Variants in EFCAB8 observed in about 807,000 individuals in gnomAD.
The protein encoded by EFCAB8 is EF-hand calcium binding domain 8, also known as EF-hand calcium-binding domain-containing protein 8.
Under a neutral mutation model 116.3 loss-of-function variants are expected in EFCAB8, and 100 were observed. The observed-to-expected ratio is 0.86, with a 90% CI of 0.73 to 1.02. The LOEUF (loss-of-function observed/expected upper bound fraction) is 1.02, where lower values mean the gene tolerates loss of function less well. EFCAB8 is among the 50% of genes least tolerant of loss of function. The pLI, the probability that EFCAB8 is intolerant of heterozygous loss-of-function variation, is 0.00. For synonymous variants in EFCAB8, 558 were observed against 567.9 expected, an observed-to-expected ratio of 0.98 and a Z score of 0.25; for missense variants, 1,320 against 1,416.9, an observed-to-expected ratio of 0.93 and a Z score of 1.10.
Position 32,909,918 on chromosome 20 carries a change from A to C in EFCAB8, c.1544A>C (p.Lys515Thr). The C allele has an allele frequency of 8.0e-7, 1 of 1,249,338 alleles. No individual in the cohort carries two copies. The highest frequency in any genetic ancestry group is 1.0e-6 in the Non-Finnish European group (1 of 987,854). The allele number at this position is 1,249,338 out of a possible 1,614,324, so 77.4% of individuals were successfully genotyped here. A position where few individuals can be genotyped will look rare whatever the true frequency, so the allele number is the denominator to read the frequency against. The stretch of plus-strand genomic sequence containing the variant: ...CCCCTGTGTGCTGTCCTCTACAGCA[A>C]GATCTTTAAGCAGGTGAGTGGCCCA... ...CSPLCAVLYS[K>T]IFKQVVSGCL... Residue 515 changes from lysine to threonine, a missense_variant, in exon 15 of 27, where the codon AAG becomes ACG. Transcript: ENST00000400522.
At chr20:32,936,806 T>C (rs1466509032) in intron 22 of EFCAB8, among the ~76,000 whole-genome samples, 1 of 152,202 alleles carries the variant, frequency 6.6e-6, no homozygotes, top group Middle Eastern at 3.2e-3. Context: ...TCTTTTATGA[T>C]TGCATATGAA....
Position 32,889,321 on chromosome 20 carries a change from C to T in EFCAB8, c.588C>T (p.Leu196=). 1.9e-6 allele frequency: 3 copies of T among 1,551,738 alleles called. No homozygotes were observed. The highest frequency in any genetic ancestry group is 2.6e-6 in the Non-Finnish European group (3 of 1,147,004). Residue 196 remains leucine, a synonymous_variant, in exon 7 of 27, where the codon CTC becomes CTT. Coordinates refer to ENST00000400522, the MANE Select transcript of EFCAB8 (RefSeq NM_001143967.2). ...SSFRLNQTQQ[L]YNQPMWVIDM... is the part of the protein sequence containing the mutation. The stretch of plus-strand genomic sequence containing the variant: ...GCCAGCTTAACCAGACCCAGCAGCT[C>T]TACAACCAGCCGATGTGGGTCATTG...
intron 13 of EFCAB8, among the ~76,000 whole-genome samples, chr20:32,907,571 T>C (rs1986735428): frequency 6.6e-6 from 1 of 152,078 alleles, no homozygotes; most frequent in South Asian, 2.1e-4. Flanking sequence ...AGGGGACAGG[T>C]TACGTTTTCT....
At chr20:32,913,095 G>A (rs1987019343) in intron 17 of EFCAB8, among the ~76,000 whole-genome samples, 1 of 152,184 alleles carries the variant, frequency 6.6e-6, no homozygotes, top group Non-Finnish European at 1.5e-5. Context: ...CAAGAATATT[G>A]GAGTCTTCAT....
At chr20:32,917,590 C>G in intron 18 of EFCAB8, 85 bp downstream of exon 18, 1 of 1,407,836 alleles carries the variant, frequency 7.1e-7, no homozygotes, top group South Asian at 1.3e-5. Flanking sequence ...TGGGGAGCAC[C>G]CTGGGAAGCA....
At chr20:32,950,601 A>C (rs941959004) in intron 23 of EFCAB8, among the ~76,000 whole-genome samples, 3 of 152,152 alleles carry the variant, frequency 2.0e-5, no homozygotes, top group South Asian at 2.1e-4. Flanking sequence ...TGTTGTGCTT[A>C]TCTGGGAGGG....
chr20:32,956,986 T>A (rs896104918), intron 23 of EFCAB8, among the ~76,000 whole-genome samples: 17 of 151,644 alleles, frequency 1.1e-4, no homozygotes, highest in Middle Eastern at 3.4e-3. Flanking sequence ...GAATTCCAGA[T>A]TATTTTTTTG....
chr20:32,875,550 G>A (rs1327617798), intron 3 of EFCAB8, among the ~76,000 whole-genome samples: 1 of 131,356 alleles, frequency 7.6e-6, no homozygotes, highest in African/African-American at 2.6e-5. Context: ...TGTTGCCCAG[G>A]CTGGAGTGCA....
Position 32,961,324 on chromosome 20 carries a change from G to A in EFCAB8, c.3582G>A (p.Ala1194=), listed in dbSNP as rs1173666503. 16 of 1,494,024 alleles carry A rather than the reference G, an allele frequency of 1.1e-5. 1 individual carries two copies. The highest frequency in any genetic ancestry group is 9.4e-5 in the South Asian group (7 of 74,092). 92.5% of individuals were successfully genotyped at this position (1,494,024 alleles called of 1,614,324 possible). A position where few individuals can be genotyped will look rare whatever the true frequency, so the allele number is the denominator to read the frequency against. The change falls in exon 27 of 27, where the codon GCG becomes GCA. Residue 1194 remains alanine, a synonymous_variant. Transcript: ENST00000400522. ...TGGATACCACGGACAGCACGCCTGCGGCCGCCTCCTCCCCATCTTCCTTGT... is the reference window on the plus strand; with the variant it reads ...TGGATACCACGGACAGCACGCCTGCAGCCGCCTCCTCCCCATCTTCCTTGT... The part of the protein sequence containing the change: ...AVLDTTDSTP[A]AASSPSSLLS...
intron 17 of EFCAB8, among the ~76,000 whole-genome samples, chr20:32,913,556 C>T (rs1018542882): frequency 1.3e-5 from 2 of 152,160 alleles, no homozygotes; most frequent in African/African-American, 2.4e-5. Context: ...TTCATTTCAT[C>T]CCAATAGCCC....
chr20:32,959,887 C>A lies in EFCAB8; in HGVS notation c.3199C>A (p.Leu1067Met), dbSNP rs1417555128. Residue 1067 changes from leucine to methionine, a missense_variant, in exon 25 of 27, where the codon CTG becomes ATG. Leu to Met is a conservative substitution (Grantham distance 15). Coordinates refer to ENST00000400522, the MANE Select transcript of EFCAB8 (RefSeq NM_001143967.2). The part of the protein sequence containing the change: ...ADKEADTWAK[L>M]QKMALMSPWA... ...TAAGGAGGCAGACACTTGGGCCAAGCTGCAGAAGATGGCCCTGATGTCCCC... is the reference window on the plus strand; with the variant it reads ...TAAGGAGGCAGACACTTGGGCCAAGATGCAGAAGATGGCCCTGATGTCCCC... 6.4e-7 allele frequency: 1 copy of A among 1,551,604 alleles called. No individual in the cohort carries two copies.
rs1438487902 is a variant in EFCAB8 at position 32,959,776 on chromosome 20, A to C, written c.3090-2A>C. 4 of 1,480,628 alleles carry C rather than the reference A, an allele frequency of 2.7e-6. No individual in the cohort carries two copies. Among genetic ancestry groups the C allele is most frequent in the Non-Finnish European group, 9.0e-7 (1 of 1,110,972 alleles). The allele number at this position is 1,480,628 out of a possible 1,614,324, so 91.7% of individuals were successfully genotyped here. A position where few individuals can be genotyped will look rare whatever the true frequency, so the allele number is the denominator to read the frequency against. On this transcript the variant is annotated splice_acceptor_variant, in intron 24 of 26. Transcript: ENST00000400522. LOFTEE classifies it high-confidence loss of function. ...TCTTGTGAAGGAAAGCCCCCACACTAGGGAGCAGCGGGATCTGGCTGAGGC... is the reference window on the plus strand; with the variant it reads ...TCTTGTGAAGGAAAGCCCCCACACTCGGGAGCAGCGGGATCTGGCTGAGGC...
chr20:32,909,045 C>T (rs915638662), intron 14 of EFCAB8, among the ~76,000 whole-genome samples: 13 of 152,262 alleles, frequency 8.5e-5, no homozygotes, highest in South Asian at 4.2e-4. Flanking sequence ...CAAGGCTGAG[C>T]CACAACCCAC....
chr20:32,944,643 A>G (rs1225635054), intron 23 of EFCAB8, among the ~76,000 whole-genome samples: 1 of 152,124 alleles, frequency 6.6e-6, no homozygotes, highest in East Asian at 1.9e-4. Flanking sequence ...ATTTCTTTAA[A>G]GGCAGGTCTA....
intron 20 of EFCAB8, among the ~76,000 whole-genome samples, chr20:32,927,805 T>G (rs548857673): frequency 4.0e-4 from 61 of 152,354 alleles, no homozygotes; most frequent in African/African-American, 1.5e-3. Flanking sequence ...CAGGGATTCC[T>G]GTTTTTTCTT....
chr20:32,953,649 A>G (rs1256364889), intron 23 of EFCAB8, among the ~76,000 whole-genome samples: 1 of 152,128 alleles, frequency 6.6e-6, no homozygotes, highest in Non-Finnish European at 1.5e-5. Flanking sequence ...ATATCTATTC[A>G]AGTCTTTTGC....
chr20:32,958,177 TG>T (rs970210546), intron 23 of EFCAB8, among the ~76,000 whole-genome samples: 1 of 152,072 alleles, frequency 6.6e-6, no homozygotes, highest in African/African-American at 2.4e-5. Context: ...TCAGTTCACA[TG>T]TGGGGCAGGA....
rs2097608122 is a variant in EFCAB8, at chr20:32,880,355, G to GC, written c.431+1554dup. On this transcript the variant is annotated intron_variant, in intron 5 of 26. Transcript: ENST00000400522. ...TTGATCTTGGCTCACTGCAACCTCC[G>GC]CCCCCCGGGTTCAAGCGATTCTCCC... Among the ~76,000 whole-genome samples, 5 of 151,114 alleles carry GC rather than the reference G, an allele frequency of 3.3e-5. No individual in the cohort carries two copies. The South Asian group carries it at 1.0e-3, about 32-fold the overall frequency.
intron 11 of EFCAB8, among the ~76,000 whole-genome samples, chr20:32,902,703 G>A (rs1410832145): frequency 1.3e-5 from 2 of 152,200 alleles, no homozygotes; most frequent in South Asian, 2.1e-4. Flanking sequence ...CCGTTTTGGC[G>A]ATGCCATCTT....
Sources: allele counts gnomAD v4.1 joint callset (sites outside exome capture counted in the v4.1 genomes callset), GRCh38; gene constraint gnomAD v4.1.1; transcripts MANE v1.5; gene names NCBI Gene and HGNC (gene_info 2026-07-23, HGNC 2026-07-21).